DLG2: variants seen among roughly 807,000 people sequenced by gnomAD.
The protein encoded by DLG2 is disks large homolog 2.
Under a neutral mutation model 132.5 loss-of-function variants are expected in DLG2, and 45 were observed. That is an observed-to-expected ratio of 0.34 (90% CI 0.27 to 0.44). DLG2 has a LOEUF of 0.44. Ranked by LOEUF, DLG2 falls within the 20% of genes least tolerant of loss-of-function variation. DLG2 has a pLI of 1.00. For missense variants in DLG2, 1,045 were observed against 1,196.9 expected, an observed-to-expected ratio of 0.87 and a Z score of 1.87; for synonymous variants, 424 against 419.6, an observed-to-expected ratio of 1.01 and a Z score of -0.13.
intron 18 of DLG2, among the ~76,000 whole-genome samples, chr11:83,732,727 G>GA (rs1386153352): frequency 1.3e-5 from 2 of 152,130 alleles, no homozygotes; most frequent in Admixed American, 6.5e-5. Flanking sequence ...TTTTTCTCAA[G>GA]AAAAAATGTC....
chr11:84,607,082 C>T (rs957169002), intron 6 of DLG2, among the ~76,000 whole-genome samples: 2 of 152,076 alleles, frequency 1.3e-5, no homozygotes, highest in Non-Finnish European at 2.9e-5. Flanking sequence ...GTTATTCAAG[C>T]ATCTAAAACA....
chr11:85,337,196 A>ATTAAAATATATCTATGTCAC (rs2152851319), intron 3 of DLG2, among the ~76,000 whole-genome samples: 1 of 152,304 alleles, frequency 6.6e-6, no homozygotes, highest in Admixed American at 6.5e-5. Context: ...TCCAAATATA[A>ATTAAAATATATCTATGTCAC]TTAAAATATA....
chr11:84,819,723 G>T (rs2077471772), intron 6 of DLG2, among the ~76,000 whole-genome samples: 1 of 151,838 alleles, frequency 6.6e-6, no homozygotes, highest in African/African-American at 2.4e-5. Flanking sequence ...GGGGATGTTA[G>T]AAACACTGAC....
At chr11:84,712,206 A>G (rs2060527682) in intron 6 of DLG2, among the ~76,000 whole-genome samples, 1 of 152,132 alleles carries the variant, frequency 6.6e-6, no homozygotes, top group African/African-American at 2.4e-5. Flanking sequence ...TCTGAATTGT[A>G]CAATTCAATA....
At chr11:85,147,302 C>T (rs575967740) in intron 5 of DLG2, among the ~76,000 whole-genome samples, 1 of 152,268 alleles carries the variant, frequency 6.6e-6, no homozygotes, top group Non-Finnish European at 1.5e-5. Context: ...CTCTGCCTCC[C>T]TCCTATCTAT....
At chr11:83,677,260 G>A (rs2077902034) in intron 18 of DLG2, among the ~76,000 whole-genome samples, 1 of 152,028 alleles carries the variant, frequency 6.6e-6, no homozygotes, top group African/African-American at 2.4e-5. Context: ...TTGTTTGTTT[G>A]TTACCTCTTT....
chr11:85,468,986 G>A (rs1292494496), intron 3 of DLG2, among the ~76,000 whole-genome samples: 2 of 152,070 alleles, frequency 1.3e-5, no homozygotes, highest in East Asian at 1.9e-4. Context: ...ATCTTGCAAA[G>A]GTGGTTTCAC....
At chr11:83,468,205 G>C (rs1156401263) in intron 25 of DLG2, among the ~76,000 whole-genome samples, 2 of 152,062 alleles carry the variant, frequency 1.3e-5, no homozygotes, top group Non-Finnish European at 2.9e-5. Flanking sequence ...ACATGAAAAT[G>C]AATACAGTCC....
chr11:84,623,589 A>T (rs772497888), intron 6 of DLG2, among the ~76,000 whole-genome samples: 12 of 152,204 alleles, frequency 7.9e-5, no homozygotes, highest in Non-Finnish European at 1.6e-4. Context: ...TTCTTACTCC[A>T]GATCTCATGG....
intron 3 of DLG2, among the ~76,000 whole-genome samples, chr11:85,377,764 G>A (rs939328606): frequency 6.4e-5 from 9 of 140,150 alleles, no homozygotes; most frequent in African/African-American, 1.8e-4. Flanking sequence ...TTCTTGCTAA[G>A]TGCAATTTGT....
At chr11:85,601,484 G>A (rs185708892) in intron 2 of DLG2, among the ~76,000 whole-genome samples, 164 of 152,184 alleles carry the variant, frequency 1.1e-3, no homozygotes, top group African/African-American at 3.8e-3. Context: ...GGGACTACAG[G>A]TGTGTGCAAC....
At chr11:84,069,537 C>T (rs2096725655) in intron 10 of DLG2, among the ~76,000 whole-genome samples, 1 of 152,158 alleles carries the variant, frequency 6.6e-6, no homozygotes, top group South Asian at 2.1e-4. Context: ...CTCTTCATTC[C>T]ACATTTAAAA....
At position 84,451,144 on chromosome 11, in the gene DLG2, C is replaced by T. The variant is rs536176260; in HGVS notation, c.519+83426G>A. 1.3e-4 allele frequency among the ~76,000 whole-genome samples: 19 copies of T among 151,888 alleles called. No individual in the cohort carries two copies. The South Asian group carries it at 1.7e-3, about 13-fold the overall frequency. ...AGGGGACTTCAAGTTATCTGTAAGACGAAGGAAAAATTTTCATTTGCATGG... is the reference window on the plus strand; with the variant it reads ...AGGGGACTTCAAGTTATCTGTAAGATGAAGGAAAAATTTTCATTTGCATGG... On this transcript the variant is annotated intron_variant, in intron 7 of 27. Transcript: ENST00000376104.
intron 16 of DLG2, among the ~76,000 whole-genome samples, chr11:83,846,915 T>C (rs989703218): frequency 7.9e-6 from 1 of 126,102 alleles, no homozygotes; most frequent in East Asian, 2.3e-4. Context: ...TTCATAACCA[T>C]ACCTTCTAAT....
At chr11:83,829,930 T>G (rs1186905549) in intron 17 of DLG2, among the ~76,000 whole-genome samples, 2 of 152,116 alleles carry the variant, frequency 1.3e-5, no homozygotes, top group Admixed American at 1.3e-4. Flanking sequence ...CGGTGTGTGA[T>G]GTTCGCCATC....
chr11:83,686,993 G>A (rs1336213944), intron 18 of DLG2, among the ~76,000 whole-genome samples: 3 of 152,172 alleles, frequency 2.0e-5, no homozygotes, highest in Admixed American at 6.6e-5. Flanking sequence ...TATGGCTGAT[G>A]TTCTCATAAA....
chr11:84,376,817 T>A (rs1206527355), intron 7 of DLG2, among the ~76,000 whole-genome samples: 1 of 151,960 alleles, frequency 6.6e-6, no homozygotes, highest in Non-Finnish European at 1.5e-5. Flanking sequence ...CTACACAAAC[T>A]GAGCATCAGA....
intron 7 of DLG2, among the ~76,000 whole-genome samples, chr11:84,496,611 A>G (rs2099184848): frequency 6.6e-6 from 1 of 152,190 alleles, no homozygotes; most frequent in Admixed American, 6.6e-5. Context: ...TTATTGTAAT[A>G]TAAGGAGAAA....
At chr11:85,478,680 T>C (rs973039703) in intron 3 of DLG2, among the ~76,000 whole-genome samples, 1 of 152,206 alleles carries the variant, frequency 6.6e-6, no homozygotes, top group Non-Finnish European at 1.5e-5. Flanking sequence ...TGTTAGGATT[T>C]CATAATAATA....
Sources: gnomAD v4.1 joint callset for allele counts (sites outside exome capture counted in the v4.1 genomes callset) on GRCh38, gnomAD v4.1.1 for gene constraint, MANE v1.5 for transcripts, NCBI Gene and HGNC (gene_info 2026-07-23, HGNC 2026-07-21) for gene names.